The following CCDC60 variants were observed in gnomAD, a reference collection of about 807,000 sequenced individuals.
The protein encoded by CCDC60 is coiled-coil domain-containing protein 60.
CCDC60 carries 54 observed loss-of-function variants against 63.5 expected under a neutral mutation model. That is an observed-to-expected ratio of 0.85 (90% confidence interval 0.68 to 1.07). The LOEUF is 1.07. CCDC60 is among the 50% of genes least tolerant of loss of function. CCDC60 has a pLI of 0.00. For missense variants in CCDC60, 651 were observed against 684.3 expected (o/e 0.95, Z 0.54); for synonymous variants, 206 against 238.8 (o/e 0.86, Z 1.27).
chr12:119,436,555 T>TTTTTTA (rs61122961), intron 2 of CCDC60, among the ~76,000 whole-genome samples: 1 of 151,398 alleles, frequency 6.6e-6, no homozygotes, highest in African/African-American at 2.4e-5. Context: ...TTTTTTTTTT[T>TTTTTTA]GAGACAGAGT....
chr12:119,536,985 G>A (rs1953022830), intron 13 of CCDC60, among the ~76,000 whole-genome samples: 1 of 152,244 alleles, frequency 6.6e-6, no homozygotes, highest in South Asian at 2.1e-4. Flanking sequence ...AAGTTCTCCT[G>A]GATAATATCC....
intron 1 of CCDC60, among the ~76,000 whole-genome samples, chr12:119,400,216 A>AT (rs369154809): frequency 0.011 from 1,678 of 152,106 alleles, 30 homozygotes; most frequent in African/African-American, 0.039. Flanking sequence ...CGCCCGGCTA[A>AT]TTTTTTGTAT....
At chr12:119,537,743 G>A (rs931079019) in intron 13 of CCDC60, among the ~76,000 whole-genome samples, 1 of 152,170 alleles carries the variant, frequency 6.6e-6, no homozygotes, top group Non-Finnish European at 1.5e-5. Context: ...CACCAGCGGA[G>A]GCTGTAGAAC....
At chr12:119,455,956 AGGAGGGAGG>A (rs1950726454) in intron 2 of CCDC60, among the ~76,000 whole-genome samples, 2 of 123,574 alleles carry the variant, frequency 1.6e-5, no homozygotes, top group South Asian at 3.4e-4. Context: ...AAAGGAAGGA[AGGAGGGAGG>A]GGAGGGAGGG....
intron 1 of CCDC60, among the ~76,000 whole-genome samples, chr12:119,393,894 C>T (rs1172478444): frequency 1.3e-5 from 2 of 152,202 alleles, no homozygotes; most frequent in South Asian, 4.1e-4. Context: ...CAGACTTTAA[C>T]CAGCACCTTC....
At chr12:119,433,143 C>G (rs1950261602) in intron 2 of CCDC60, among the ~76,000 whole-genome samples, 1 of 97,728 alleles carries the variant, frequency 1.0e-5, no homozygotes, top group South Asian at 5.6e-4. Context: ...CAAATCAGGG[C>G]TCAGTTCCCC....
At chr12:119,355,438 C>A (rs991601494) in intron 1 of CCDC60, among the ~76,000 whole-genome samples, 2 of 152,224 alleles carry the variant, frequency 1.3e-5, no homozygotes, top group African/African-American at 4.8e-5. Context: ...TCACCACCAG[C>A]AGCAGATTCA....
intron 1 of CCDC60, among the ~76,000 whole-genome samples, chr12:119,347,170 C>T (rs1254556565): frequency 6.6e-6 from 1 of 151,976 alleles, no homozygotes; most frequent in Non-Finnish European, 1.5e-5. Flanking sequence ...ATGTATAAGC[C>T]ATTTCTAATT....
At chr12:119,511,216 C>A (rs1352888171) in intron 7 of CCDC60, among the ~76,000 whole-genome samples, 2 of 152,310 alleles carry the variant, frequency 1.3e-5, no homozygotes, top group Admixed American at 1.3e-4. Flanking sequence ...ATTAATTTCC[C>A]AGCCTCTCTT....
intron 1 of CCDC60, among the ~76,000 whole-genome samples, chr12:119,415,811 G>A (rs11064788): frequency 0.14 from 21,151 of 152,182 alleles, 1,652 homozygotes; most frequent in African/African-American, 0.18. Flanking sequence ...ACTAAACTTC[G>A]CTGTTATAAC....
intron 1 of CCDC60, among the ~76,000 whole-genome samples, chr12:119,354,064 T>C (rs202192277): frequency 2.4e-5 from 2 of 85,050 alleles, no homozygotes; most frequent in South Asian, 4.8e-4. Flanking sequence ...CTCTCTCTCT[T>C]TCTCTCTCTC....
chr12:119,360,709 G>A (rs188553233), intron 1 of CCDC60, among the ~76,000 whole-genome samples: 8,491 of 151,688 alleles, frequency 0.056, 279 homozygotes, highest in Non-Finnish European at 0.07. Flanking sequence ...CCGGGAAGAG[G>A]CGCTCCTCAC....
chr12:119,525,047 T>C (rs965306566), intron 11 of CCDC60, among the ~76,000 whole-genome samples: 2 of 152,148 alleles, frequency 1.3e-5, no homozygotes, highest in South Asian at 2.1e-4. Flanking sequence ...GTAAGAGCTT[T>C]GTATTTATGT....
At chr12:119,412,217 C>G (rs1956615718) in intron 1 of CCDC60, among the ~76,000 whole-genome samples, 1 of 152,072 alleles carries the variant, frequency 6.6e-6, no homozygotes, top group Non-Finnish European at 1.5e-5. Flanking sequence ...TGAATCTTGG[C>G]TCTTTTCTCT....
rs979450924 is a variant in CCDC60, at chr12:119,344,867, A to T, written c.90+9601A>T. On this transcript the variant is annotated intron_variant, in intron 1 of 13. Coordinates refer to ENST00000327554, the MANE Select transcript of CCDC60 (RefSeq NM_178499.5). ...CTCTCTCTCTCTCTCACACACACAC[A>T]CACACACACACACACACACACACAC... is the stretch of plus-strand genomic sequence containing the variant. Among the ~76,000 whole-genome samples, 764 of 147,664 alleles carry T rather than the reference A, an allele frequency of 5.2e-3. 8 individuals carry two copies. Among genetic ancestry groups the T allele is most frequent in the South Asian group, 0.045 (195 of 4,304 alleles).
chr12:119,410,891 C>G lies in CCDC60; in HGVS notation c.91-17792C>G, dbSNP rs1035277544. Among the ~76,000 whole-genome samples the G allele has an allele frequency of 1.3e-5, 2 of 150,780 alleles. No individual in the cohort carries two copies. The highest frequency in any genetic ancestry group is 3.9e-4 in the East Asian group (2 of 5,148). ...CTGAGTAGCTGGGACTACAGGCACG[C>G]ACCACTACACTCAGCTAATTTTTGT... On this transcript the variant is annotated intron_variant, in intron 1 of 13. Transcript: ENST00000327554. This position sits in a 1 kb window ranked among gnomAD's most constrained non-coding sequence, Gnocchi z 4.0.
intron 1 of CCDC60, among the ~76,000 whole-genome samples, chr12:119,387,034 T>TCTCACACA (rs543330015): frequency 0.015 from 1,621 of 105,410 alleles, 44 homozygotes; most frequent in East Asian, 0.097. Context: ...TCTGTCTCTC[T>TCTCACACA]CACACACACA....
intron 10 of CCDC60, among the ~76,000 whole-genome samples, chr12:119,523,380 T>C (rs1164793914): frequency 6.6e-6 from 1 of 152,236 alleles, no homozygotes; most frequent in East Asian, 1.9e-4. Context: ...AGCTGGACTT[T>C]GAGCCTGAAT....
At chr12:119,444,421 CATA>C (rs1395463928) in intron 2 of CCDC60, among the ~76,000 whole-genome samples, 1 of 152,170 alleles carries the variant, frequency 6.6e-6, no homozygotes, top group Non-Finnish European at 1.5e-5. Flanking sequence ...ATAAGAACAT[CATA>C]AGGGCCATTT....
Sources: allele counts gnomAD v4.1 joint callset (sites outside exome capture counted in the v4.1 genomes callset), GRCh38; gene constraint gnomAD v4.1.1; non-coding constraint Gnocchi (gnomAD v3.1); transcripts MANE v1.5; gene names NCBI Gene and HGNC (gene_info 2026-07-23, HGNC 2026-07-21).